The following MYH14 variants were observed in gnomAD, a reference collection of about 807,000 sequenced individuals.
MYH14 encodes myosin heavy chain 14, also known as myosin-14.
In MYH14, 123 loss-of-function variants were observed where a neutral mutation model predicts 255.5. The ratio of observed to expected loss-of-function variants is 0.48; its 90% CI spans 0.42 to 0.56. MYH14 has a LOEUF of 0.56. MYH14 is among the 20% of genes least tolerant of loss of function. MYH14 has a pLI of 0.00. For synonymous variants in MYH14, 1,095 were observed against 1,161.2 expected (o/e 0.94, Z 1.16); for missense variants, 2,423 against 2,802.3 (o/e 0.86, Z 3.06).
At chr19:50,207,154 G>A (rs1428899542) in intron 1 of MYH14, among the ~76,000 whole-genome samples, 4 of 150,724 alleles carry the variant, frequency 2.7e-5, no homozygotes, top group Non-Finnish European at 4.4e-5. Flanking sequence ...GAACACAGGA[G>A]TTGAGGCTGC....
rs375563286 is a variant in MYH14, at chr19:50,286,506, G to A, written c.4564G>A (p.Val1522Ile). 51 of 1,613,374 alleles carry A rather than the reference G, an allele frequency of 3.2e-5. No individual in the cohort carries two copies. The African/African-American group carries it at 4.7e-4, about 15-fold the overall frequency. ...GCTTCTGGCAGAGGAGAAGGCAGCT[G>A]TACTTCGGGCAGTGGAGGAACGTGA... ...DQLLAEEKAA[V>I]LRAVEERERA... Residue 1522 changes from valine to isoleucine, a missense_variant, in exon 34 of 43, where the codon GTA (valine) becomes ATA (isoleucine). By Grantham distance (29) the Val-to-Ile change is conservative. Coordinates refer to ENST00000642316, the MANE Select transcript of MYH14 (RefSeq NM_001145809.2).
At chr19:50,278,791 A>T (rs955769984) in intron 30 of MYH14, among the ~76,000 whole-genome samples, 3 of 146,626 alleles carry the variant, frequency 2.0e-5, no homozygotes, top group Admixed American at 7.1e-5. Context: ...CCTCACCAAC[A>T]TGGAGAAACC....
chr19:50,261,545 T>G lies in MYH14; in HGVS notation c.2495T>G (p.Val832Gly). Reference protein sequence around the residue: ...GQSKIFFRAGVLAQLEEERDL... With the variant: ...GQSKIFFRAGGLAQLEEERDL... ...AGCAAGATCTTCTTCCGGGCTGGGG[T>G]CCTGGCCCAGCTGGAAGAGGAGCGA... The change falls in exon 21 of 43, where the codon GTC (valine) becomes GGC (glycine). Residue 832 changes from valine to glycine, a missense_variant. Val to Gly is a moderately radical substitution (Grantham distance 109, BLOSUM62 -3). Coordinates refer to ENST00000642316, the MANE Select transcript of MYH14 (RefSeq NM_001145809.2). The G allele has an allele frequency of 6.3e-7, 1 of 1,591,414 alleles. No homozygotes were observed. The highest frequency in any genetic ancestry group is 1.1e-5 in the South Asian group (1 of 88,884).
intron 9 of MYH14, among the ~76,000 whole-genome samples, chr19:50,231,344 T>C (rs753746337): frequency 2.4e-4 from 37 of 152,244 alleles, no homozygotes; most frequent in Non-Finnish European, 5.3e-4. Context: ...CCCCACTGCT[T>C]CTGCCAACCA....
chr19:50,271,886 C>T lies in MYH14; in HGVS notation c.3209C>T (p.Ser1070Leu). The change falls in exon 26 of 43, where the codon TCA (serine) becomes TTA (leucine). Residue 1070 changes from serine (S) to leucine (L), a missense_variant. Ser to Leu is a moderately radical substitution (Grantham distance 145, BLOSUM62 -2). Coordinates refer to ENST00000642316, the MANE Select transcript of MYH14 (RefSeq NM_001145809.2). Reference sequence around the variant, plus strand: ...CTGGAAGATCGTCTGGCCGAGTTCTCATCCCAGGCAGCTGAGGAGGAGGAG... The same window carrying T: ...CTGGAAGATCGTCTGGCCGAGTTCTTATCCCAGGCAGCTGAGGAGGAGGAG... ...KLLEDRLAEF[S>L]SQAAEEEEKV... 5 of 1,613,524 alleles carry T rather than the reference C, an allele frequency of 3.1e-6. No homozygotes were observed. The highest frequency in any genetic ancestry group is 4.2e-6 in the Non-Finnish European group (5 of 1,179,796).
At chr19:50,205,861 G>A (rs530140877) in intron 1 of MYH14, among the ~76,000 whole-genome samples, 2 of 151,850 alleles carry the variant, frequency 1.3e-5, no homozygotes, top group Admixed American at 1.3e-4. Flanking sequence ...ATTGAGTACT[G>A]GGACTCCGGA....
intron 10 of MYH14, among the ~76,000 whole-genome samples, chr19:50,237,464 T>TACA (rs2033709370): frequency 6.6e-6 from 1 of 152,166 alleles, no homozygotes; most frequent in South Asian, 2.1e-4. Flanking sequence ...TAGCTGGGAT[T>TACA]ACAGGCATGT....
chr19:50,222,736 G>A (rs546325058), intron 3 of MYH14, among the ~76,000 whole-genome samples: 60 of 152,166 alleles, frequency 3.9e-4, no homozygotes, highest in African/African-American at 1.4e-3. Context: ...ACAGGACCTC[G>A]CTTCTGTCTT....
At chr19:50,249,955 G>A (rs1427183589) in intron 14 of MYH14, 132 bp downstream of exon 14, 1 of 1,123,162 alleles carries the variant, frequency 8.9e-7, no homozygotes, top group African/African-American at 1.5e-5. Context: ...GAAGGTGACA[G>A]CACCTGCTTC....
In MYH14 at chr19:50,280,695, C is replaced by T. The variant is rs577671671; in HGVS notation, c.4290+312C>T. 1.3e-5 allele frequency among the ~76,000 whole-genome samples: 2 copies of T among 152,258 alleles called. No individual in the cohort carries two copies. The highest frequency in any genetic ancestry group is 1.9e-4 in the East Asian group (1 of 5,162). On this transcript the variant is annotated intron_variant, in intron 32 of 42. Coordinates refer to ENST00000642316, the MANE Select transcript of MYH14 (RefSeq NM_001145809.2). The surrounding 1 kb of genome is among the most constrained non-coding windows in gnomAD (Gnocchi z 4.8). ...CTCCCCTAACAGCTCATCCCCTGCA[C>T]AGCCCCAGAAGCTTCTTTCTTTACC... is the stretch of plus-strand genomic sequence containing the variant.
intron 35 of MYH14, among the ~76,000 whole-genome samples, chr19:50,290,081 C>T (rs1443733704): frequency 6.6e-6 from 1 of 152,116 alleles, no homozygotes; most frequent in Non-Finnish European, 1.5e-5. Context: ...CCACATACAG[C>T]CTCTCCCCCA....
rs8112589 is a variant in MYH14 at position 50,269,691 on chromosome 19, G to A, written c.3033+1324G>A. Among the ~76,000 whole-genome samples the A allele has an allele frequency of 7.3e-3, 1,111 of 152,308 alleles. 15 individuals are homozygous for A. Among genetic ancestry groups the A allele is most frequent in the African/African-American group, 0.025 (1,051 of 41,568 alleles). Reference sequence around the variant, plus strand: ...AACAGGCTTTGTCACAACAACAGGTGGAGGTGACCCCTGGGTGCCGTGGGA... The same window carrying A: ...AACAGGCTTTGTCACAACAACAGGTAGAGGTGACCCCTGGGTGCCGTGGGA... On this transcript the variant is annotated intron_variant, in intron 24 of 42. Coordinates refer to ENST00000642316, the MANE Select transcript of MYH14 (RefSeq NM_001145809.2).
At chr19:50,223,158 G>T (rs2032920897) in intron 4 of MYH14, 48 bp downstream of exon 4, 1 of 1,611,460 alleles carries the variant, frequency 6.2e-7, no homozygotes, top group Non-Finnish European at 8.5e-7. Context: ...TCTGGGTGGG[G>T]CGTGGCTGTG....
intron 33 of MYH14, 80 bp from the exon 34 acceptor site, chr19:50,286,402 G>A: frequency 7.6e-7 from 1 of 1,310,490 alleles, no homozygotes; most frequent in East Asian, 2.5e-5. Context: ...TCTGTTCCTG[G>A]CTGCTCCCTC....
chr19:50,277,717 A>G (rs1339921472), intron 29 of MYH14, among the ~76,000 whole-genome samples: 3 of 151,946 alleles, frequency 2.0e-5, no homozygotes, highest in African/African-American at 7.3e-5. Flanking sequence ...GGAGTTCAAG[A>G]CCAGCCTGGC....
chr19:50,309,467 C>G (rs1259266921), intron 42 of MYH14, 173 bp from the exon 43 acceptor site: 4 of 628,264 alleles, frequency 6.4e-6, no homozygotes, highest in Admixed American at 2.6e-5. Context: ...CCCCCCATTG[C>G]TTCTGCCCGT....
At chr19:50,234,305 G>A (rs1190275985) in intron 10 of MYH14, among the ~76,000 whole-genome samples, 1 of 152,160 alleles carries the variant, frequency 6.6e-6, no homozygotes, top group African/African-American at 2.4e-5. Context: ...CAGAGGCTGC[G>A]TAATGTTTCA....
chr19:50,263,189 ACT>A lies in MYH14; in HGVS notation c.2586-120_2586-119del, dbSNP rs928240451. 9.4e-5 allele frequency: 64 copies of A among 680,960 alleles called. 1 individual carries two copies. In the Admixed American group the frequency reaches 1.6e-3, roughly 17 times the overall value. The allele number at this position is 680,960 out of a possible 1,614,324, so 42.2% of individuals were successfully genotyped here. A position where few individuals can be genotyped will look rare whatever the true frequency, so the allele number is the denominator to read the frequency against. ...ACTCCAGCCTAGGCAACAGAGCAAG[ACT>A]CTGTCTCAGAAAAACAAACAAACAA... On this transcript the variant is annotated intron_variant, in intron 21 of 42. Coordinates refer to ENST00000642316, the MANE Select transcript of MYH14 (RefSeq NM_001145809.2).
At chr19:50,288,763 A>C (rs1487397023) in intron 34 of MYH14, among the ~76,000 whole-genome samples, 1 of 152,160 alleles carries the variant, frequency 6.6e-6, no homozygotes, top group East Asian at 1.9e-4. Flanking sequence ...GACTAGGGCT[A>C]GGTAGGAGAG....
Sources: gnomAD v4.1 joint callset for allele counts (sites outside exome capture counted in the v4.1 genomes callset) on GRCh38, gnomAD v4.1.1 for gene constraint, Gnocchi (gnomAD v3.1) non-coding constraint, MANE v1.5 for transcripts, NCBI Gene and HGNC (gene_info 2026-07-23, HGNC 2026-07-21) for gene names.